The following IGSF10 variants were observed in gnomAD, a reference collection of about 807,000 sequenced individuals.
IGSF10 encodes calvaria mechanical force protein 608.
Under a neutral mutation model 128.2 loss-of-function variants are expected in IGSF10, and 126 were observed. The observed-to-expected ratio is 0.98, with a 90% CI of 0.85 to 1.14. The LOEUF (loss-of-function observed/expected upper bound fraction) is 1.14, where lower values mean the gene tolerates loss of function less well. IGSF10 is among the 50% of genes most tolerant of loss of function. IGSF10 has a pLI of 0.00. For synonymous variants in IGSF10, 1,185 were observed against 1,146.2 expected (o/e 1.03, Z -0.68); for missense variants, 3,295 against 3,149.8 (o/e 1.05, Z -1.10).
At chr3:151,470,615 C>T in the IGSF10 span, among the ~76,000 whole-genome samples, 1 of 152,164 alleles carries the variant, frequency 6.6e-6, no homozygotes, top group East Asian at 1.9e-4. Context: ...AACCTTTCAC[C>T]TTGTTTGTTC....
the IGSF10 span, among the ~76,000 whole-genome samples, chr3:151,520,591 A>C: frequency 1.4e-4 from 21 of 151,902 alleles, no homozygotes; most frequent in African/African-American, 5.1e-4. Flanking sequence ...ATCTTTAAAG[A>C]AAATAATCTG....
chr3:151,438,334 T>TC lies in IGSF10; in HGVS notation c.6226dup (p.Asp2076GlyfsTer13). 6.2e-7 allele frequency: 1 copy of TC among 1,614,214 alleles called. No homozygotes were observed. The highest frequency in any genetic ancestry group is 8.5e-7 in the Non-Finnish European group (1 of 1,180,020). ...CATTGCATTGTTGATCATGGTTCCA[T>TC]CAGGCAAACTCCAAGATATCTCTGG... On this transcript the variant is annotated frameshift_variant, in exon 8 of 8. Transcript: ENST00000282466. LOFTEE classifies it low-confidence loss of function (END_TRUNC).
At chr3:151,485,180 T>G in the IGSF10 span, among the ~76,000 whole-genome samples, 1 of 151,494 alleles carries the variant, frequency 6.6e-6, no homozygotes, top group African/African-American at 2.4e-5. Flanking sequence ...GCCAAATCGA[T>G]CAAGTGGAAG....
chr3:151,457,582 C>T (rs556648693), intron 3 of IGSF10, among the ~76,000 whole-genome samples: 43 of 152,204 alleles, frequency 2.8e-4, no homozygotes, highest in African/African-American at 1.0e-3. Context: ...CAGGCTTGGG[C>T]GTCTCGTTTG....
the IGSF10 span, among the ~76,000 whole-genome samples, chr3:151,582,435 C>T: frequency 1.3e-5 from 2 of 151,912 alleles, no homozygotes; most frequent in South Asian, 4.2e-4. Flanking sequence ...TTAACACTAT[C>T]CTGATTTCTA....
the IGSF10 span, among the ~76,000 whole-genome samples, chr3:151,539,907 T>C: frequency 6.6e-6 from 1 of 152,108 alleles, no homozygotes; most frequent in Non-Finnish European, 1.5e-5. Flanking sequence ...TCCATTCATC[T>C]AAGAAACAAG....
chr3:151,590,539 T>A, the IGSF10 span, among the ~76,000 whole-genome samples: 2 of 152,058 alleles, frequency 1.3e-5, no homozygotes, highest in South Asian at 2.1e-4. Context: ...TTGATATATA[T>A]CACAATAATA....
At chr3:151,497,744 T>C in the IGSF10 span, among the ~76,000 whole-genome samples, 1 of 152,200 alleles carries the variant, frequency 6.6e-6, no homozygotes, top group Admixed American at 6.5e-5. Flanking sequence ...GGGGATGGCA[T>C]TGAATCTATG....
chr3:151,502,349 GAA>G, the IGSF10 span, among the ~76,000 whole-genome samples: 1 of 151,978 alleles, frequency 6.6e-6, no homozygotes, highest in African/African-American at 2.4e-5. Flanking sequence ...GGAGTTTAGA[GAA>G]AGTCATGGAT....
the IGSF10 span, among the ~76,000 whole-genome samples, chr3:151,582,296 G>GT: frequency 1.8e-5 from 2 of 112,392 alleles, no homozygotes; most frequent in Admixed American, 9.5e-5. Context: ...AATATCCGGG[G>GT]GGGGGGGCGG....
the IGSF10 span, among the ~76,000 whole-genome samples, chr3:151,473,793 C>A: frequency 2.0e-5 from 3 of 152,098 alleles, no homozygotes; most frequent in Middle Eastern, 3.2e-3. Context: ...GTTCTACCTC[C>A]TCGTTGGTTC....
chr3:151,493,743 T>C, the IGSF10 span, among the ~76,000 whole-genome samples: 1 of 152,222 alleles, frequency 6.6e-6, no homozygotes, highest in Non-Finnish European at 1.5e-5. Context: ...TTTTTCTCCA[T>C]TGTTAAGTGA....
the IGSF10 span, among the ~76,000 whole-genome samples, chr3:151,597,062 T>C: frequency 4.6e-5 from 7 of 152,092 alleles, no homozygotes; most frequent in Non-Finnish European, 8.8e-5. Context: ...CACAGTTCCT[T>C]TATGATGTTA....
the IGSF10 span, among the ~76,000 whole-genome samples, chr3:151,507,165 C>T: frequency 1.2e-3 from 183 of 152,242 alleles, no homozygotes; most frequent in Middle Eastern, 6.8e-3. Flanking sequence ...TATTCCTCTG[C>T]TTTCCCTGTT....
the IGSF10 span, among the ~76,000 whole-genome samples, chr3:151,574,256 G>A: frequency 1.3e-5 from 2 of 152,166 alleles, no homozygotes. Context: ...GAATTTCAAT[G>A]TTGGCCTGCC....
the IGSF10 span, among the ~76,000 whole-genome samples, chr3:151,514,800 G>T: frequency 6.6e-5 from 10 of 152,042 alleles, no homozygotes; most frequent in African/African-American, 2.4e-4. Context: ...ATCAAAAAGT[G>T]GGCAAAGGAT....
chr3:151,490,232 G>A, the IGSF10 span, among the ~76,000 whole-genome samples: 1 of 152,080 alleles, frequency 6.6e-6, no homozygotes, highest in East Asian at 1.9e-4. Flanking sequence ...AAGATATCGG[G>A]GTGGCTAAAT....
rs1208891372 is a variant in IGSF10, at chr3:151,445,091, T to G, written c.4890A>C (p.Thr1630=). 1.2e-6 allele frequency: 2 copies of G among 1,614,114 alleles called. No homozygotes were observed. Among genetic ancestry groups the G allele is most frequent in the Non-Finnish European group, 1.7e-6 (2 of 1,180,042 alleles). ...DFDKKPVQEA[T]TSKLLPFDSL... ...AGTCAAAGGGAAGGAGTTTGGAAGT[T>G]GTTGCTTCTTGAACTGGTTTCTTAT... is the stretch of plus-strand genomic sequence containing the variant. The change falls in exon 6 of 8, where the codon ACA becomes ACC. Residue 1630 remains threonine (T), a synonymous_variant. Transcript: ENST00000282466.
rs774769873 is a variant in IGSF10, at chr3:151,445,154, A to C, written c.4827T>G (p.Asp1609Glu). The C allele has an allele frequency of 6.2e-7, 1 of 1,614,222 alleles. No homozygotes were observed. Among genetic ancestry groups the C allele is most frequent in the South Asian group, 1.1e-5 (1 of 91,086 alleles). The change falls in exon 6 of 8, where the codon GAT (aspartate) becomes GAG (glutamate). Residue 1609 changes from aspartate (D) to glutamate (E), a missense_variant. By Grantham distance (45) the Asp-to-Glu change is conservative. Transcript: ENST00000282466. ...TCTTTGTGTTCTTCTGTCCATCCCA[A>C]TCTGAAACAAGAGTGGTGGCCTCGG... is the stretch of plus-strand genomic sequence containing the variant. ...GLSEATTLVS[D>E]WDGQKNTKKS...
Sources: allele counts gnomAD v4.1 joint callset (sites outside exome capture counted in the v4.1 genomes callset), GRCh38; gene constraint gnomAD v4.1.1; transcripts MANE v1.5; gene names NCBI Gene and HGNC (gene_info 2026-07-23, HGNC 2026-07-21).